CMSS1: variants seen among roughly 807,000 people sequenced by gnomAD.
CMSS1 encodes the protein protein CMSS1.
Under a neutral mutation model 43.5 loss-of-function variants are expected in CMSS1, and 33 were observed. The ratio of observed to expected loss-of-function variants is 0.76; its 90% CI spans 0.57 to 1.01. The LOEUF is 1.01. CMSS1 is among the 50% of genes least tolerant of loss of function. CMSS1 has a pLI of 0.00. For synonymous variants in CMSS1, 115 were observed against 117.2 expected (o/e 0.98, Z 0.12); for missense variants, 313 against 326.4 (o/e 0.96, Z 0.32).
At chr3:99,995,405 C>T (rs1391926823) in intron 1 of CMSS1, among the ~76,000 whole-genome samples, 1 of 152,180 alleles carries the variant, frequency 6.6e-6, no homozygotes, top group African/African-American at 2.4e-5. Context: ...AGGGTACAGC[C>T]TCCCTCCCAG....
At chr3:99,878,109 T>G (rs1705597153) in intron 1 of CMSS1, among the ~76,000 whole-genome samples, 1 of 152,220 alleles carries the variant, frequency 6.6e-6, no homozygotes, top group South Asian at 2.1e-4. Context: ...TGCCCTTGCC[T>G]GGTACACTAC....
chr3:99,957,689 C>CTTTTTTTTT (rs1708363173), intron 1 of CMSS1, among the ~76,000 whole-genome samples: 2 of 7,960 alleles, frequency 2.5e-4, no homozygotes, highest in African/African-American at 5.6e-4. Context: ...TCTTTTCTTT[C>CTTTTTTTTT]TTTCTTTTTT....
At chr3:100,176,777 C>T (rs1292032001) in intron 9 of CMSS1, among the ~76,000 whole-genome samples, 7 of 152,096 alleles carry the variant, frequency 4.6e-5, no homozygotes, top group African/African-American at 1.7e-4. Flanking sequence ...ACTTTTGGCT[C>T]GGGTTAGGGG....
chr3:99,991,980 A>G (rs539406953), intron 1 of CMSS1, among the ~76,000 whole-genome samples: 42 of 147,066 alleles, frequency 2.9e-4, no homozygotes, highest in African/African-American at 1.0e-3. Context: ...ACACACATAT[A>G]TGTGTATATA....
intron 1 of CMSS1, among the ~76,000 whole-genome samples, chr3:99,991,824 G>GTATA (rs1023477317): frequency 8.9e-5 from 7 of 78,946 alleles, no homozygotes; most frequent in African/African-American, 2.5e-4. Flanking sequence ...CATGGTGTGT[G>GTATA]TATATATATA....
intron 1 of CMSS1, among the ~76,000 whole-genome samples, chr3:99,866,520 ATCCTTAGAGGACTT>A (rs1446258538): frequency 2.0e-5 from 3 of 152,212 alleles, no homozygotes; most frequent in Non-Finnish European, 4.4e-5. Flanking sequence ...AAACATTTTG[ATCCTTAGAGGACTT>A]TTTTGGGTCC....
chr3:99,837,510 G>A (rs530605826), intron 1 of CMSS1, among the ~76,000 whole-genome samples: 65 of 152,138 alleles, frequency 4.3e-4, no homozygotes, highest in African/African-American at 1.5e-3. Context: ...ACTTTGAGTT[G>A]TTTGAAGAGT....
intron 1 of CMSS1, chr3:99,930,642 T>C: frequency 1.0e-6 from 1 of 975,312 alleles, no homozygotes; most frequent in Non-Finnish European, 1.5e-6. Flanking sequence ...GTATATATAC[T>C]TATGCTTTGC....
At chr3:99,929,957 A>T in intron 1 of CMSS1, 1 of 1,614,050 alleles carries the variant, frequency 6.2e-7, no homozygotes, top group African/African-American at 1.3e-5. Context: ...GGAGTGACAA[A>T]CCCATACTGA....
intron 1 of CMSS1, among the ~76,000 whole-genome samples, chr3:100,106,990 G>A (rs936003845): frequency 6.6e-6 from 1 of 152,188 alleles, no homozygotes; most frequent in African/African-American, 2.4e-5. Flanking sequence ...TGCCACCAAT[G>A]TGTGTCTGAC....
chr3:100,081,583 C>T (rs547783747), intron 1 of CMSS1, among the ~76,000 whole-genome samples: 4 of 152,246 alleles, frequency 2.6e-5, no homozygotes, highest in Admixed American at 1.3e-4. Flanking sequence ...GTAGTTTGGC[C>T]TCTGCACCCT....
chr3:99,945,497 G>A (rs772213843), intron 1 of CMSS1, among the ~76,000 whole-genome samples: 1 of 152,170 alleles, frequency 6.6e-6, no homozygotes, highest in Non-Finnish European at 1.5e-5. Flanking sequence ...GCTGCTGCTA[G>A]GAACTGTAAG....
At chr3:100,066,096 C>T (rs1452563435) in intron 1 of CMSS1, among the ~76,000 whole-genome samples, 12 of 152,190 alleles carry the variant, frequency 7.9e-5, no homozygotes. Flanking sequence ...GGTCTTTACT[C>T]TTTAAGAGAT....
chr3:99,835,130 C>T lies in CMSS1; in HGVS notation c.64+17087C>T, dbSNP rs563934914. On this transcript the variant is annotated intron_variant, in intron 1 of 9. Coordinates refer to ENST00000421999, the MANE Select transcript of CMSS1 (RefSeq NM_032359.4). ...CTGCTTTATCTCTCAACTTTCCTCT[C>T]TCTCCAATTATTTATAGGCAATATG... Among the ~76,000 whole-genome samples, 5 of 152,294 alleles carry T rather than the reference C, an allele frequency of 3.3e-5. No individual in the cohort carries two copies. The East Asian group carries it at 9.6e-4, about 29-fold the overall frequency.
chr3:100,081,707 A>C (rs184327087), intron 1 of CMSS1, among the ~76,000 whole-genome samples: 44 of 152,316 alleles, frequency 2.9e-4, no homozygotes, highest in African/African-American at 1.1e-3. Flanking sequence ...AATACAGGTA[A>C]ATAGTAAATG....
At chr3:100,141,465 C>A in intron 1 of CMSS1, 1 of 437,016 alleles carries the variant, frequency 2.3e-6, no homozygotes, top group South Asian at 1.7e-5. Flanking sequence ...GTGGTGAAGA[C>A]GGCGGTCTTA....
chr3:99,840,015 G>C (rs1943060479), intron 1 of CMSS1, among the ~76,000 whole-genome samples: 1 of 152,102 alleles, frequency 6.6e-6, no homozygotes, highest in Non-Finnish European at 1.5e-5. Context: ...CATGTCTGGA[G>C]ATATTATTGT....
At chr3:99,922,806 T>C (rs998153488) in intron 1 of CMSS1, among the ~76,000 whole-genome samples, 5 of 152,156 alleles carry the variant, frequency 3.3e-5, no homozygotes, top group African/African-American at 1.2e-4. Flanking sequence ...CCAACCAAAC[T>C]CTCCTTTTTT....
intron 1 of CMSS1, chr3:99,848,523 G>T (rs1181312640): frequency 6.2e-7 from 1 of 1,614,194 alleles, no homozygotes; most frequent in Non-Finnish European, 8.5e-7. Flanking sequence ...TCACACTTGA[G>T]CTATTGCTGT....
Sources: gnomAD v4.1 joint callset for allele counts (sites outside exome capture counted in the v4.1 genomes callset) on GRCh38, gnomAD v4.1.1 for gene constraint, MANE v1.5 for transcripts, NCBI Gene and HGNC (gene_info 2026-07-23, HGNC 2026-07-21) for gene names.